The following PPM1H variants were observed in gnomAD, a reference collection of about 807,000 sequenced individuals.
PPM1H encodes the protein protein phosphatase 1H.
A neutral mutation model predicts 54.9 loss-of-function variants in PPM1H; 27 were observed. The observed-to-expected ratio is 0.49, with a 90% CI of 0.36 to 0.68. PPM1H has a LOEUF of 0.68. PPM1H is among the 30% of genes least tolerant of loss of function. The probability of loss-of-function intolerance (pLI) is 0.00; values close to 1 mark genes in which losing one functional copy is unlikely to be tolerated. For synonymous variants in PPM1H, 305 were observed against 270.8 expected, an observed-to-expected ratio of 1.13 and a Z score of -1.24; for missense variants, 596 against 667.8, an observed-to-expected ratio of 0.89 and a Z score of 1.19.
At chr12:62,878,737 C>T (rs926644786) in intron 1 of PPM1H, among the ~76,000 whole-genome samples, 13 of 150,176 alleles carry the variant, frequency 8.7e-5, no homozygotes, top group African/African-American at 3.2e-4. Context: ...GTCAGGAGTT[C>T]GAGACCAGCC....
chr12:62,866,886 G>A (rs762273804), intron 1 of PPM1H, among the ~76,000 whole-genome samples: 5 of 151,830 alleles, frequency 3.3e-5, no homozygotes, highest in Non-Finnish European at 7.4e-5. Flanking sequence ...CCCTAGGGAT[G>A]AGCTCCTTCA....
chr12:62,748,398 T>C (rs1452786133), intron 4 of PPM1H, among the ~76,000 whole-genome samples: 1 of 152,194 alleles, frequency 6.6e-6, no homozygotes, highest in African/African-American at 2.4e-5. Flanking sequence ...CAAAGCAAAG[T>C]GCTTTGAGGC....
At chr12:62,705,346 C>T (rs933082628) in intron 6 of PPM1H, among the ~76,000 whole-genome samples, 3 of 152,136 alleles carry the variant, frequency 2.0e-5, no homozygotes, top group Non-Finnish European at 4.4e-5. Context: ...CAGATAAAAA[C>T]AATGGGTTCT....
rs1158059796 is a variant in PPM1H, at chr12:62,844,522, T to C, written c.246-12243A>G. The stretch of plus-strand genomic sequence containing the variant: ...ACTTAAAGTTCCAACAGCTTTAAGT[T>C]TGGATTATTTAATTTCACACTTTGA... On this transcript the variant is annotated intron_variant, in intron 1 of 9. Transcript: ENST00000228705. The surrounding 1 kb of genome is among the most constrained non-coding windows in gnomAD (Gnocchi z 5.2). Among the ~76,000 whole-genome samples the C allele has an allele frequency of 6.6e-6, 1 of 152,234 alleles. No homozygotes were observed. Among genetic ancestry groups the C allele is most frequent in the Non-Finnish European group, 1.5e-5 (1 of 68,042 alleles).
chr12:62,759,308 C>T (rs1044670405), intron 4 of PPM1H, among the ~76,000 whole-genome samples: 4 of 152,236 alleles, frequency 2.6e-5, no homozygotes, highest in Non-Finnish European at 5.9e-5. Context: ...ATCAGGTCCT[C>T]AGACCAACCA....
intron 4 of PPM1H, among the ~76,000 whole-genome samples, chr12:62,746,396 A>G (rs2076411200): frequency 6.6e-6 from 1 of 152,188 alleles, no homozygotes; most frequent in African/African-American, 2.4e-5. Context: ...TTCCATCAGT[A>G]ACACTGATAA....
intron 5 of PPM1H, among the ~76,000 whole-genome samples, chr12:62,730,314 G>A (rs983161686): frequency 4.6e-5 from 7 of 152,084 alleles, no homozygotes; most frequent in Admixed American, 6.6e-5. Flanking sequence ...CTGGTCTTTG[G>A]GTAAACATTC....
At chr12:62,795,058 C>G (rs1425550934) in intron 3 of PPM1H, among the ~76,000 whole-genome samples, 1 of 152,174 alleles carries the variant, frequency 6.6e-6, no homozygotes, top group African/African-American at 2.4e-5. Context: ...ACAGTGTACA[C>G]AGTAAGTATT....
Position 62,781,644 on chromosome 12 carries a change from T to G in PPM1H, c.869+6582A>C, listed in dbSNP as rs923944838. ...TGAGTTTCAGCGAGCAGTGATCTGCTCTCCTAACAAGTTCCCAGGTGATGC... is the reference window on the plus strand; with the variant it reads ...TGAGTTTCAGCGAGCAGTGATCTGCGCTCCTAACAAGTTCCCAGGTGATGC... On this transcript the variant is annotated intron_variant, in intron 4 of 9. Coordinates refer to ENST00000228705, the MANE Select transcript of PPM1H (RefSeq NM_020700.2). Among the ~76,000 whole-genome samples, 3 of 152,174 alleles carry G rather than the reference T, an allele frequency of 2.0e-5. No individual in the cohort carries two copies. In the South Asian group the frequency reaches 6.2e-4, roughly 32 times the overall value.
rs141469288 is a variant in PPM1H, at chr12:62,686,571, G to A, written c.1245+3128C>T. Among the ~76,000 whole-genome samples, 5 of 152,358 alleles carry A rather than the reference G, an allele frequency of 3.3e-5. No individual in the cohort carries two copies. The East Asian group carries it at 9.6e-4, about 29-fold the overall frequency. ...TCTTCTCTGGTGAGAAGTAGTTTTA[G>A]CAGTAATTCACGGATCCTGATGTTG... On this transcript the variant is annotated intron_variant, in intron 8 of 9. Transcript: ENST00000228705.
chr12:62,857,099 A>G (rs1006617947), intron 1 of PPM1H, among the ~76,000 whole-genome samples: 1 of 152,180 alleles, frequency 6.6e-6, no homozygotes, highest in Non-Finnish European at 1.5e-5. Flanking sequence ...TACTGTCTTC[A>G]CCTTCAGTGA....
chr12:62,654,951 C>G (rs1370146314), intron 9 of PPM1H, among the ~76,000 whole-genome samples: 1 of 152,166 alleles, frequency 6.6e-6, no homozygotes, highest in African/African-American at 2.4e-5. Flanking sequence ...CTTCACACGG[C>G]TTCTCTCCGC....
intron 4 of PPM1H, among the ~76,000 whole-genome samples, chr12:62,759,739 C>T (rs1051068093): frequency 2.6e-5 from 4 of 151,728 alleles, no homozygotes; most frequent in Admixed American, 6.6e-5. Flanking sequence ...TCCTGGGGGG[C>T]AAGCACCTCC....
intron 2 of PPM1H, among the ~76,000 whole-genome samples, chr12:62,826,576 A>T (rs998224077): frequency 6.6e-6 from 1 of 152,192 alleles, no homozygotes; most frequent in Non-Finnish European, 1.5e-5. Flanking sequence ...AACAAATAAA[A>T]AATTCCTATA....
intron 9 of PPM1H, among the ~76,000 whole-genome samples, chr12:62,658,168 G>A (rs915592375): frequency 3.5e-5 from 5 of 141,494 alleles, no homozygotes; most frequent in East Asian, 2.1e-4. Context: ...AGACCAGCCT[G>A]GGTAACACGG....
chr12:62,701,088 A>G (rs1434432204), intron 6 of PPM1H, among the ~76,000 whole-genome samples: 1 of 152,206 alleles, frequency 6.6e-6, no homozygotes, highest in Admixed American at 6.5e-5. Flanking sequence ...TCAACATATA[A>G]TGGGTACCCA....
intron 5 of PPM1H, among the ~76,000 whole-genome samples, chr12:62,730,200 A>C (rs890504354): frequency 2.6e-5 from 4 of 152,138 alleles, no homozygotes; most frequent in African/African-American, 9.7e-5. Flanking sequence ...AGGTGAAATA[A>C]ACAGCTTTAT....
Position 62,771,301 on chromosome 12 carries a change from C to T in PPM1H, c.869+16925G>A, listed in dbSNP as rs2076578556. ...TCATTATAAACTTTGTGAAGACACA[C>T]ACACACACACACACACACACACACA... On this transcript the variant is annotated intron_variant, in intron 4 of 9. Coordinates refer to ENST00000228705, the MANE Select transcript of PPM1H (RefSeq NM_020700.2). Among the ~76,000 whole-genome samples, 3 of 122,460 alleles carry T rather than the reference C, an allele frequency of 2.4e-5. No homozygotes were observed. In the South Asian group the frequency reaches 8.6e-4, roughly 35 times the overall value. 80.3% of individuals were successfully genotyped at this position (122,460 alleles called of 152,430 possible).
rs1455243952 is a variant in PPM1H at position 62,711,696 on chromosome 12, A to C, written c.1073+8475T>G. Among the ~76,000 whole-genome samples, 3 of 152,202 alleles carry C rather than the reference A, an allele frequency of 2.0e-5. No individual in the cohort carries two copies. In the East Asian group the frequency reaches 5.8e-4, roughly 29 times the overall value. ...GAGTGTTTGAAGGGTCTGAGGGGGG[A>C]AGAAAGGCTTGGAAATAGTTCAGCC... On this transcript the variant is annotated intron_variant, in intron 6 of 9. Transcript: ENST00000228705.
Sources: allele counts gnomAD v4.1 joint callset (sites outside exome capture counted in the v4.1 genomes callset), GRCh38; gene constraint gnomAD v4.1.1; non-coding constraint Gnocchi (gnomAD v3.1); transcripts MANE v1.5; gene names NCBI Gene and HGNC (gene_info 2026-07-23, HGNC 2026-07-21).